ARRDC2: variants seen among roughly 807,000 people sequenced by gnomAD.
ARRDC2 encodes arrestin domain containing 2.
In ARRDC2, 39 loss-of-function variants were observed where a neutral mutation model predicts 38.9. The ratio of observed to expected loss-of-function variants is 1.00; its 90% CI spans 0.78 to 1.31. The LOEUF is 1.31. ARRDC2 is among the 50% of genes most tolerant of loss of function. The pLI is 0.00. For synonymous variants in ARRDC2, 300 were observed against 261.9 expected, an observed-to-expected ratio of 1.15 and a Z score of -1.41; for missense variants, 553 against 588.4, an observed-to-expected ratio of 0.94 and a Z score of 0.62.
chr19:18,011,952 AT>A (rs71164342), intron 7 of ARRDC2, among the ~76,000 whole-genome samples: 69 of 100,736 alleles, frequency 6.8e-4, no homozygotes, highest in African/African-American at 1.2e-3. Context: ...ATATATATAT[AT>A]TTTTTTTTTT....
Position 18,010,554 on chromosome 19 carries a change from CCTGT to C in ARRDC2, c.1013-15_1013-12del. ...GCTCTCTCCTGCCAACCTCACCCACCCTGTCTCTCGCTTCCAGCTCCTCCTGAGT... is the reference window on the plus strand; with the variant it reads ...GCTCTCTCCTGCCAACCTCACCCACCCTCTCGCTTCCAGCTCCTCCTGAGT... On this transcript the variant is annotated splice_polypyrimidine_tract_variant and intron_variant, in intron 6 of 7. Coordinates refer to ENST00000222250, the MANE Select transcript of ARRDC2 (RefSeq NM_015683.2). The C allele has an allele frequency of 3.1e-6, 5 of 1,612,830 alleles. No individual in the cohort carries two copies. The highest frequency in any genetic ancestry group is 4.2e-6 in the Non-Finnish European group (5 of 1,179,694).
upstream of ARRDC2, chr19:18,007,068 G>A (rs538628697): frequency 1.3e-5 from 2 of 152,814 alleles, no homozygotes; most frequent in East Asian, 3.9e-4. Flanking sequence ...CCTCACTGAG[G>A]TGGTGGAAGT....
At position 18,008,251 on chromosome 19, in the gene ARRDC2, C is replaced by T; in HGVS notation, c.-60C>T. On this transcript the variant is annotated 5_prime_UTR_variant, in exon 1 of 8. Transcript: ENST00000222250. ...GAGGCTGCAGCGTCGGCATCTTGAG[C>T]TGCCGGTTCGCGAGTTCGAGGCCAG... 6.4e-7 allele frequency: 1 copy of T among 1,562,340 alleles called. No homozygotes were observed. The highest frequency in any genetic ancestry group is 8.6e-7 in the Non-Finnish European group (1 of 1,166,352).
At chr19:18,001,428 G>A in exon 1 of ARRDC2, 6 of 1,234,104 alleles carry the variant, frequency 4.9e-6, no homozygotes, top group East Asian at 3.2e-5. Flanking sequence ...CGGCGGCGCC[G>A]CTGCGGGTGC....
Position 18,010,734 on chromosome 19 carries a change from G to A in ARRDC2, c.1170+5G>A, listed in dbSNP as rs754144598. 1.6e-5 allele frequency: 26 copies of A among 1,613,326 alleles called. No individual in the cohort carries two copies. The highest frequency in any genetic ancestry group is 2.2e-5 in the Non-Finnish European group (26 of 1,179,824). On this transcript the variant is annotated splice_donor_5th_base_variant and intron_variant, in intron 7 of 7. Transcript: ENST00000222250. ...CCGCCACCCCTGTACTCTGAGGTGA[G>A]CTCAGGGGTCTGAGAACCACCCATG... is the stretch of plus-strand genomic sequence containing the variant.
At chr19:18,002,462 G>C (rs2033200732) in intron 1 of ARRDC2, among the ~76,000 whole-genome samples, 1 of 152,204 alleles carries the variant, frequency 6.6e-6, no homozygotes, top group South Asian at 2.1e-4. Flanking sequence ...ACACCCTACT[G>C]TGTGGCTGCG....
chr19:18,004,118 T>C (rs1164461985), upstream of ARRDC2, among the ~76,000 whole-genome samples: 1 of 146,278 alleles, frequency 6.8e-6, no homozygotes, highest in African/African-American at 2.5e-5. Context: ...CAGTGGCTTA[T>C]GCCTGTAATC....
Position 18,009,889 on chromosome 19 carries a change from A to G in ARRDC2, c.699A>G (p.Arg233=). Residue 233 remains arginine (R), a synonymous_variant, in exon 5 of 8, where the codon CGA becomes CGG. Coordinates refer to ENST00000222250, the MANE Select transcript of ARRDC2 (RefSeq NM_015683.2). ...QTQTFMARGA[R]KQKRAVVASL... is the part of the protein sequence containing the mutation. ...AGACGTTCATGGCCCGAGGCGCCCG[A>G]AAGCAGAAACGGGCAGTGGTGGCCA... 1 of 1,610,604 alleles carries G rather than the reference A, an allele frequency of 6.2e-7. No individual in the cohort carries two copies. Among genetic ancestry groups the G allele is most frequent in the Non-Finnish European group, 8.5e-7 (1 of 1,179,692 alleles).
chr19:18,005,721 G>T (rs1382957118), upstream of ARRDC2, among the ~76,000 whole-genome samples: 2 of 151,138 alleles, frequency 1.3e-5, no homozygotes, highest in Non-Finnish European at 3.0e-5. Context: ...GTGGGGGGCT[G>T]ACCCCCCGCC....
At position 18,010,054 on chromosome 19, in the gene ARRDC2, T is replaced by G; in HGVS notation, c.849+15T>G. ...ACGCACTCAAGGTAGGGCATCCTGC[T>G]GGCCCTGGGGGACAGTGCCTACATT... is the stretch of plus-strand genomic sequence containing the variant. On this transcript the variant is annotated intron_variant, in intron 5 of 7. Coordinates refer to ENST00000222250, the MANE Select transcript of ARRDC2 (RefSeq NM_015683.2). The G allele has an allele frequency of 6.2e-7, 1 of 1,603,844 alleles. No homozygotes were observed. The highest frequency in any genetic ancestry group is 8.5e-7 in the Non-Finnish European group (1 of 1,179,184).
At chr19:18,012,854 G>T in intron 7 of ARRDC2, 59 bp from the exon 8 acceptor site, 3 of 1,554,742 alleles carry the variant, frequency 1.9e-6, no homozygotes, top group Non-Finnish European at 2.7e-6. Context: ...ATGGGGAGCG[G>T]TATTTCTGAA....
intron 1 of ARRDC2, 24 bp downstream of exon 1, chr19:18,008,608 C>T: frequency 6.3e-7 from 1 of 1,596,080 alleles, no homozygotes; most frequent in African/African-American, 1.3e-5. Flanking sequence ...ACCCCTGCTC[C>T]AACACCAGTT....
At chr19:18,003,556 G>A (rs1459507851), upstream of ARRDC2, among the ~76,000 whole-genome samples, 1 of 152,128 alleles carries the variant, frequency 6.6e-6, no homozygotes. Context: ...TGCCTCCCAG[G>A]TTCCAGTGAT....
chr19:18,008,809 G>T lies in ARRDC2; in HGVS notation c.341+32G>T, dbSNP rs377380894. 16 of 1,610,596 alleles carry T rather than the reference G, an allele frequency of 9.9e-6. No individual in the cohort carries two copies. The African/African-American group carries it at 1.6e-4, about 16-fold the overall frequency. Reference sequence around the variant, plus strand: ...CCTCTGGGGTGCAGGGTTGCCCTAAGCCTGCAGCCCCTTCCAGATTGGTAC... The same window carrying T: ...CCTCTGGGGTGCAGGGTTGCCCTAATCCTGCAGCCCCTTCCAGATTGGTAC... On this transcript the variant is annotated intron_variant, in intron 2 of 7. Transcript: ENST00000222250.
upstream of ARRDC2, among the ~76,000 whole-genome samples, chr19:18,005,519 C>T (rs1422032315): frequency 2.8e-5 from 4 of 144,780 alleles, no homozygotes; most frequent in South Asian, 2.2e-4. Context: ...ACCTCCCAGA[C>T]GGGGTGGTGG....
upstream of ARRDC2, among the ~76,000 whole-genome samples, chr19:18,006,462 CA>C (rs1199596160): frequency 1.3e-5 from 2 of 152,124 alleles, no homozygotes; most frequent in Non-Finnish European, 2.9e-5. Context: ...CCTTCTCCAC[CA>C]AAAAAACCAG....
At position 18,013,138 on chromosome 19, in the gene ARRDC2, C is replaced by A. The variant is rs775448309; in HGVS notation, c.*172C>A. ...TATCACATGGGACAGAGGAAGAGCCCGGCTGGAATCTGACTTACCTGGACC... is the reference window on the plus strand; with the variant it reads ...TATCACATGGGACAGAGGAAGAGCCAGGCTGGAATCTGACTTACCTGGACC... On this transcript the variant is annotated 3_prime_UTR_variant, in exon 8 of 8. Transcript: ENST00000222250. 3 of 648,892 alleles carry A rather than the reference C, an allele frequency of 4.6e-6. No individual in the cohort carries two copies. Among genetic ancestry groups the A allele is most frequent in the Non-Finnish European group, 7.8e-6 (3 of 385,070 alleles). 40.2% of individuals were successfully genotyped at this position (648,892 alleles called of 1,614,324 possible).
At position 18,013,883 on chromosome 19, in the gene ARRDC2, C is replaced by T. The variant is rs1195733089; in HGVS notation, c.*917C>T. The T allele has an allele frequency of 2.0e-5, 3 of 152,146 alleles. No individual in the cohort carries two copies. The highest frequency in any genetic ancestry group is 2.1e-4 in the South Asian group (1 of 4,826). 9.4% of individuals were successfully genotyped at this position (152,146 alleles called of 1,614,324 possible). On this transcript the variant is annotated 3_prime_UTR_variant, in exon 8 of 8. Coordinates refer to ENST00000222250, the MANE Select transcript of ARRDC2 (RefSeq NM_015683.2). ...TTACGTCACCCCTGGGGACAGAGGT[C>T]AGCCTAAGGTGACACACGGGGACTA...
chr19:18,008,526 G>T lies in ARRDC2; in HGVS notation c.216G>T (p.Thr72=). ...SRSAGSSTAY[T]QSYSERVEVV... ...GCGCGGGCTCGAGCACGGCTTACAC[G>T]CAGAGCTACAGTGAACGCGTGGAGG... Residue 72 remains threonine, a synonymous_variant, in exon 1 of 8, where the codon ACG becomes ACT. Coordinates refer to ENST00000222250, the MANE Select transcript of ARRDC2 (RefSeq NM_015683.2). 1 of 1,546,248 alleles carries T rather than the reference G, an allele frequency of 6.5e-7. No homozygotes were observed. Among genetic ancestry groups the T allele is most frequent in the Non-Finnish European group, 8.7e-7 (1 of 1,153,636 alleles).
Sources: allele counts gnomAD v4.1 joint callset (sites outside exome capture counted in the v4.1 genomes callset), GRCh38; gene constraint gnomAD v4.1.1; transcripts MANE v1.5; gene names NCBI Gene and HGNC (gene_info 2026-07-23, HGNC 2026-07-21).